Variants in PTPRK observed in about 807,000 individuals in gnomAD.
PTPRK encodes the protein receptor-type tyrosine-protein phosphatase kappa.
A neutral mutation model predicts 178.0 loss-of-function variants in PTPRK; 75 were observed. The ratio of observed to expected loss-of-function variants is 0.42; its 90% CI spans 0.35 to 0.51. PTPRK has a LOEUF of 0.51. PTPRK is among the 20% of genes least tolerant of loss of function. The pLI is 0.02. For synonymous variants in PTPRK, 637 were observed against 620.6 expected, an observed-to-expected ratio of 1.03 and a Z score of -0.39; for missense variants, 1,441 against 1,797.8, an observed-to-expected ratio of 0.80 and a Z score of 3.59.
At chr6:128,372,922 A>C (rs541446813) in intron 2 of PTPRK, among the ~76,000 whole-genome samples, 1 of 152,198 alleles carries the variant, frequency 6.6e-6, no homozygotes, top group South Asian at 2.1e-4. Flanking sequence ...TCTGATATAC[A>C]TGAGTATGTG....
At chr6:128,375,558 A>G (rs116984094) in intron 2 of PTPRK, among the ~76,000 whole-genome samples, 3,867 of 152,258 alleles carry the variant, frequency 0.025, 79 homozygotes, top group Non-Finnish European at 0.037. Context: ...TGGTGGGGAC[A>G]CAGCCAGATC....
chr6:128,223,205 G>A (rs1048569634), intron 5 of PTPRK, among the ~76,000 whole-genome samples: 4 of 150,364 alleles, frequency 2.7e-5, no homozygotes, highest in Admixed American at 6.6e-5. Context: ...TTTATTTAGC[G>A]GGTGGCTCAA....
intron 3 of PTPRK, among the ~76,000 whole-genome samples, chr6:128,245,321 A>G (rs1238082531): frequency 6.6e-6 from 1 of 152,218 alleles, no homozygotes; most frequent in Admixed American, 6.5e-5. Context: ...AATTTCCTTT[A>G]AAAGTCTAAA....
intron 1 of PTPRK, among the ~76,000 whole-genome samples, chr6:128,434,190 T>C (rs890646652): frequency 1.3e-5 from 2 of 152,154 alleles, no homozygotes; most frequent in South Asian, 2.1e-4. Context: ...GATTATCTTG[T>C]CTCTGGGACG....
At chr6:128,390,929 T>A (rs1466107479) in intron 2 of PTPRK, among the ~76,000 whole-genome samples, 2 of 151,988 alleles carry the variant, frequency 1.3e-5, no homozygotes, top group Non-Finnish European at 1.5e-5. Context: ...GTCTGCAACA[T>A]CATTGTTTTC....
intron 3 of PTPRK, among the ~76,000 whole-genome samples, chr6:128,246,686 C>G (rs920840045): frequency 2.0e-5 from 3 of 152,200 alleles, no homozygotes; most frequent in African/African-American, 7.2e-5. Flanking sequence ...AGATCTAATG[C>G]TTGATGTCAA....
At chr6:128,356,090 T>G (rs1176212947) in intron 2 of PTPRK, among the ~76,000 whole-genome samples, 11 of 152,222 alleles carry the variant, frequency 7.2e-5, no homozygotes, top group Non-Finnish European at 2.9e-5. Context: ...TTACTTGTCC[T>G]GTTTAAGGCT....
intron 1 of PTPRK, among the ~76,000 whole-genome samples, chr6:128,412,505 T>A (rs1454290198): frequency 6.6e-6 from 1 of 152,174 alleles, no homozygotes; most frequent in Non-Finnish European, 1.5e-5. Context: ...AAATATGTAC[T>A]GCAAGGGGAA....
chr6:128,309,666 T>G (rs1826946994), intron 3 of PTPRK, among the ~76,000 whole-genome samples: 1 of 152,186 alleles, frequency 6.6e-6, no homozygotes, highest in South Asian at 2.1e-4. Flanking sequence ...TAAAAAAACT[T>G]AAGAATTAAA....
intron 1 of PTPRK, among the ~76,000 whole-genome samples, chr6:128,473,752 T>G (rs957038762): frequency 3.3e-5 from 5 of 152,048 alleles, no homozygotes; most frequent in Non-Finnish European, 5.9e-5. Flanking sequence ...TTCTGAAGAC[T>G]CAGATAACCA....
intron 27 of PTPRK, 152 bp downstream of exon 27, chr6:127,976,505 G>T: frequency 2.2e-6 from 2 of 927,086 alleles, no homozygotes; most frequent in South Asian, 1.8e-5. Context: ...ATTTTTATTC[G>T]AGTACTAAGG....
intron 3 of PTPRK, among the ~76,000 whole-genome samples, chr6:128,320,602 G>A (rs1262887513): frequency 6.6e-6 from 1 of 151,452 alleles, no homozygotes; most frequent in Non-Finnish European, 1.5e-5. Context: ...AATTTGTTTT[G>A]TGGAGGCTGA....
Position 127,986,354 on chromosome 6 carries a change from T to C in PTPRK, c.3097-479A>G, listed in dbSNP as rs1775977674. Among the ~76,000 whole-genome samples the C allele has an allele frequency of 2.6e-5, 4 of 152,198 alleles. No individual in the cohort carries two copies. In the South Asian group the frequency reaches 8.3e-4, roughly 31 times the overall value. On this transcript the variant is annotated intron_variant, in intron 21 of 29. Coordinates refer to ENST00000368226, the MANE Select transcript of PTPRK (RefSeq NM_002844.4). The stretch of plus-strand genomic sequence containing the variant: ...TTTTGAAGCATAGCATGTAGGGATT[T>C]TCCAGGACAGTGCTGCTCTAGATTG...
At chr6:127,991,244 C>A (rs1464573984) in intron 20 of PTPRK, 50 bp downstream of exon 20, 2 of 1,415,808 alleles carry the variant, frequency 1.4e-6, no homozygotes, top group East Asian at 2.4e-5. Context: ...CATGTTGCTT[C>A]TCAACTATGT....
At chr6:128,146,055 A>G (rs1447778753) in intron 7 of PTPRK, among the ~76,000 whole-genome samples, 1 of 152,132 alleles carries the variant, frequency 6.6e-6, no homozygotes, top group East Asian at 1.9e-4. Context: ...TACCCTAGAC[A>G]GCTAAGTGGG....
chr6:128,323,714 A>T (rs17055679), intron 2 of PTPRK, among the ~76,000 whole-genome samples: 17,654 of 152,172 alleles, frequency 0.12, 1,552 homozygotes, highest in African/African-American at 0.24. Flanking sequence ...TTTTGGGAAG[A>T]TTTCTGTAAC....
intron 1 of PTPRK, among the ~76,000 whole-genome samples, chr6:128,453,937 A>T (rs892429836): frequency 2.0e-5 from 3 of 152,204 alleles, no homozygotes; most frequent in South Asian, 4.1e-4. Flanking sequence ...CAGGTAAAGC[A>T]AAGTTCTTCT....
chr6:128,073,959 T>C lies in PTPRK; in HGVS notation c.1883+4854A>G, dbSNP rs963504155. Among the ~76,000 whole-genome samples, 19 of 152,156 alleles carry C rather than the reference T, an allele frequency of 1.2e-4. 1 individual carries two copies. The highest frequency in any genetic ancestry group is 4.3e-4 in the African/African-American group (18 of 41,536). ...TAGAACTATTTGATATCTTTAAATTTATGTAATGAAACAGACTATTCTGCA... is the reference window on the plus strand; with the variant it reads ...TAGAACTATTTGATATCTTTAAATTCATGTAATGAAACAGACTATTCTGCA... On this transcript the variant is annotated intron_variant, in intron 11 of 29. Transcript: ENST00000368226.
chr6:128,484,270 A>G (rs1584926866), intron 1 of PTPRK, among the ~76,000 whole-genome samples: 1 of 152,188 alleles, frequency 6.6e-6, no homozygotes, highest in Admixed American at 6.6e-5. Flanking sequence ...TCTCAAAAAT[A>G]TAGGTTTCAG....
Sources: gnomAD v4.1 joint callset for allele counts (sites outside exome capture counted in the v4.1 genomes callset) on GRCh38, gnomAD v4.1.1 for gene constraint, MANE v1.5 for transcripts, NCBI Gene and HGNC (gene_info 2026-07-23, HGNC 2026-07-21) for gene names.